WDR26: variants seen among roughly 807,000 people sequenced by gnomAD.
The protein encoded by WDR26 is WD repeat-containing protein 26.
WDR26 carries 5 observed loss-of-function variants against 84.1 expected under a neutral mutation model. The observed-to-expected ratio is 0.06, with a 90% CI of 0.03 to 0.13. The LOEUF is 0.13. Among genes scored for constraint, WDR26 ranks in the 10% least tolerant of loss-of-function variants. The pLI, the probability that WDR26 is intolerant of heterozygous loss-of-function variation, is 1.00. For missense variants in WDR26, 642 were observed against 974.9 expected (o/e 0.66, Z 4.55); for synonymous variants, 415 against 389.6 (o/e 1.07, Z -0.77).
rs1673312183 is a variant in WDR26, at chr1:224,398,078, T to G, written c.2074+19A>C. 2.2e-5 allele frequency: 35 copies of G among 1,609,012 alleles called. No homozygotes were observed. Among genetic ancestry groups the G allele is most frequent in the Non-Finnish European group, 2.8e-5 (33 of 1,178,888 alleles). ...GACTTTAATATCAACATATGTAAAC[T>G]GATAAGGACACAATTTACCTTCACT... is the stretch of plus-strand genomic sequence containing the variant. On this transcript the variant is annotated intron_variant, in intron 12 of 13. Coordinates refer to ENST00000414423, the MANE Select transcript of WDR26 (RefSeq NM_001379403.1).
intron 3 of WDR26, among the ~76,000 whole-genome samples, chr1:224,426,202 G>A (rs1482708557): frequency 6.6e-6 from 1 of 152,108 alleles, no homozygotes; most frequent in African/African-American, 2.4e-5. Context: ...CTGCTGTCAC[G>A]AAATGCTGTG....
intron 3 of WDR26, among the ~76,000 whole-genome samples, chr1:224,428,340 G>A (rs1180244155): frequency 6.6e-6 from 1 of 152,176 alleles, no homozygotes; most frequent in African/African-American, 2.4e-5. Context: ...TCTGGAGTAA[G>A]GTCATAACCA....
intron 13 of WDR26, among the ~76,000 whole-genome samples, chr1:224,393,377 G>A (rs924967292): frequency 3.3e-5 from 5 of 152,170 alleles, no homozygotes; most frequent in African/African-American, 4.8e-5. Flanking sequence ...CACAACTCAT[G>A]TTAGTATGAT....
intron 12 of WDR26, among the ~76,000 whole-genome samples, chr1:224,397,164 T>G (rs991740144): frequency 4.6e-5 from 7 of 152,200 alleles, no homozygotes; most frequent in African/African-American, 1.7e-4. Context: ...TATATTTTTT[T>G]ACTTTTTGTA....
Position 224,385,174 on chromosome 1 carries a change from G to T in WDR26, c.*4661C>A, listed in dbSNP as rs1672953795. ...AGGTATTCATTCTGTTTATTGGATT[G>T]AAAGAAAGGGAATACAAACGACTGG... On this transcript the variant is annotated 3_prime_UTR_variant, in exon 14 of 14. Transcript: ENST00000414423. 1 of 149,792 alleles carries T rather than the reference G, an allele frequency of 6.7e-6. No homozygotes were observed. The highest frequency in any genetic ancestry group is 1.5e-5 in the Non-Finnish European group (1 of 67,572). The allele number at this position is 149,792 out of a possible 1,614,324, so 9.3% of individuals were successfully genotyped here. A position where few individuals can be genotyped will look rare whatever the true frequency, so the allele number is the denominator to read the frequency against.
chr1:224,413,207 A>T, intron 6 of WDR26: 199 of 644,238 alleles, frequency 3.1e-4, no homozygotes, highest in Non-Finnish European at 3.9e-4. Flanking sequence ...AACAACAAAA[A>T]CCCCCCCCCC....
intron 8 of WDR26, among the ~76,000 whole-genome samples, chr1:224,403,605 T>C (rs973800393): frequency 6.6e-6 from 1 of 152,164 alleles, no homozygotes; most frequent in Non-Finnish European, 1.5e-5. Flanking sequence ...CGACTTTTCC[T>C]AAAATGGGAC....
At chr1:224,413,388 A>C in intron 6 of WDR26, 1 of 982,858 alleles carries the variant, frequency 1.0e-6, no homozygotes, top group Non-Finnish European at 1.4e-6. Flanking sequence ...TTTGGTACAC[A>C]TGGCAATCTA....
intron 1 of WDR26, among the ~76,000 whole-genome samples, chr1:224,433,052 G>C (rs1674445729): frequency 1.3e-5 from 2 of 152,138 alleles, no homozygotes; most frequent in Admixed American, 6.5e-5. Context: ...TAGGCCTCTT[G>C]TACACACACA....
Position 224,398,233 on chromosome 1 carries a change from G to T in WDR26, c.1945-7C>A. ...AGTCCCATAAATGAACTCCCTGCAG[G>T]CAAAGGAGAATACAGATATTTAATC... is the stretch of plus-strand genomic sequence containing the variant. On this transcript the variant is annotated splice_region_variant and splice_polypyrimidine_tract_variant and intron_variant, in intron 11 of 13. Transcript: ENST00000414423. 1.9e-6 allele frequency: 3 copies of T among 1,610,682 alleles called. No individual in the cohort carries two copies. Among genetic ancestry groups the T allele is most frequent in the Non-Finnish European group, 2.5e-6 (3 of 1,179,310 alleles).
At chr1:224,391,035 C>T (rs944699066) in intron 13 of WDR26, among the ~76,000 whole-genome samples, 33 of 151,856 alleles carry the variant, frequency 2.2e-4, no homozygotes, top group African/African-American at 8.0e-4. Context: ...AAGGTCCATT[C>T]ATACTGTAGC....
At chr1:224,402,095 A>G (rs1460257168) in intron 8 of WDR26, 1 of 152,224 alleles carries the variant, frequency 6.6e-6, no homozygotes, top group Non-Finnish European at 1.5e-5. Flanking sequence ...TAAAAGGTAC[A>G]TGGGGATAGT....
rs73125515 is a variant in WDR26 at position 224,394,407 on chromosome 1, A to C, written c.2075-394T>G. On this transcript the variant is annotated intron_variant, in intron 12 of 13. Coordinates refer to ENST00000414423, the MANE Select transcript of WDR26 (RefSeq NM_001379403.1). ...GAAGCAAAAATGAAGATGACAGCTA[A>C]ACCTTTATTGGGTGCTTACAAAGTA... Among the ~76,000 whole-genome samples, 1,444 of 152,348 alleles carry C rather than the reference A, an allele frequency of 9.5e-3. 25 individuals carry two copies. The highest frequency in any genetic ancestry group is 0.032 in the African/African-American group (1,350 of 41,576).
In WDR26 at chr1:224,409,222, T is replaced by C. The variant is rs568537226; in HGVS notation, c.1458+2205A>G. The stretch of plus-strand genomic sequence containing the variant: ...ATCACTACTTCAAAATTCTGGTACT[T>C]ATATCTGCTGCTAGAATTTATTATT... On this transcript the variant is annotated intron_variant, in intron 7 of 13. Coordinates refer to ENST00000414423, the MANE Select transcript of WDR26 (RefSeq NM_001379403.1). Among the ~76,000 whole-genome samples, 98 of 152,348 alleles carry C rather than the reference T, an allele frequency of 6.4e-4. 1 individual carries two copies. Among genetic ancestry groups the C allele is most frequent in the Admixed American group, 6.3e-3 (96 of 15,302 alleles).
chr1:224,417,068 T>C (rs544312620), intron 6 of WDR26, among the ~76,000 whole-genome samples: 55 of 152,350 alleles, frequency 3.6e-4, no homozygotes, highest in African/African-American at 1.3e-3. Flanking sequence ...TTATTATTTT[T>C]GTACTTCAAG....
intron 7 of WDR26, 70 bp downstream of exon 7, chr1:224,411,357 T>C: frequency 6.7e-7 from 1 of 1,482,704 alleles, no homozygotes; most frequent in Non-Finnish European, 9.0e-7. Flanking sequence ...TACTTAAAAA[T>C]ATGTAATCAA....
intron 9 of WDR26, among the ~76,000 whole-genome samples, chr1:224,399,314 C>A (rs1673347294): frequency 6.6e-6 from 1 of 152,092 alleles, no homozygotes; most frequent in African/African-American, 2.4e-5. Context: ...AAGAAAGAAA[C>A]AGTCCCTAAG....
At chr1:224,422,926 A>G (rs1419782740) in intron 4 of WDR26, among the ~76,000 whole-genome samples, 1 of 152,338 alleles carries the variant, frequency 6.6e-6, no homozygotes, top group Non-Finnish European at 1.5e-5. Context: ...TCTTCCCTTA[A>G]GCAACTGGGT....
chr1:224,424,593 A>T lies in WDR26; in HGVS notation c.989T>A (p.Leu330Gln). 1 of 1,614,220 alleles carries T rather than the reference A, an allele frequency of 6.2e-7. No homozygotes were observed. Among genetic ancestry groups the T allele is most frequent in the Non-Finnish European group, 8.5e-7 (1 of 1,180,022 alleles). Residue 330 changes from leucine (L) to glutamine (Q), a missense_variant, in exon 4 of 14, where the codon CTG becomes CAG. By Grantham distance (113) the Leu-to-Gln change is moderately radical. Coordinates refer to ENST00000414423, the MANE Select transcript of WDR26 (RefSeq NM_001379403.1). ...ACAGCGTAGAACTTGAAGTGCCTCC[A>T]GGACCTTGCCATCCTCCAGGTATTC... is the stretch of plus-strand genomic sequence containing the variant.
Sources: gnomAD v4.1 joint callset for allele counts (sites outside exome capture counted in the v4.1 genomes callset) on GRCh38, gnomAD v4.1.1 for gene constraint, MANE v1.5 for transcripts, NCBI Gene and HGNC (gene_info 2026-07-23, HGNC 2026-07-21) for gene names.